The following APLF variants were observed in gnomAD, a reference collection of about 807,000 sequenced individuals.
APLF encodes the protein aprataxin and PNKP like factor.
A neutral mutation model predicts 55.6 loss-of-function variants in APLF; 61 were observed. That is an observed-to-expected ratio of 1.10 (90% CI 0.89 to 1.36). APLF has a LOEUF of 1.36. Among genes scored for constraint, APLF ranks in the 40% most tolerant of loss-of-function variants. The pLI is 0.00. For missense variants in APLF, 611 were observed against 602.5 expected (o/e 1.01, Z -0.15); for synonymous variants, 207 against 214.8 (o/e 0.96, Z 0.32).
chr2:68,544,002 G>A (rs993004681), intron 7 of APLF, among the ~76,000 whole-genome samples: 9 of 132,102 alleles, frequency 6.8e-5, no homozygotes, highest in African/African-American at 2.6e-4. Flanking sequence ...TTTTTTTTGA[G>A]ATGGAGTCTT....
intron 1 of APLF, among the ~76,000 whole-genome samples, chr2:68,488,265 G>A (rs1463938236): frequency 6.6e-6 from 1 of 151,214 alleles, no homozygotes; most frequent in African/African-American, 2.4e-5. Flanking sequence ...CGCATTTTTT[G>A]AAATTACTTT....
chr2:68,542,047 GA>G (rs1670567855), intron 7 of APLF, among the ~76,000 whole-genome samples: 1 of 152,290 alleles, frequency 6.6e-6, no homozygotes, highest in East Asian at 1.9e-4. Flanking sequence ...GGAAAGGACA[GA>G]TTTTTTTCAA....
intron 5 of APLF, among the ~76,000 whole-genome samples, chr2:68,525,635 C>G: frequency 6.6e-6 from 1 of 151,740 alleles, no homozygotes; most frequent in South Asian, 2.1e-4. Flanking sequence ...GGCCATTTTG[C>G]TGCTTAATGC....
chr2:68,484,719 A>G (rs1292743678), intron 1 of APLF, among the ~76,000 whole-genome samples: 2 of 150,656 alleles, frequency 1.3e-5, no homozygotes, highest in Non-Finnish European at 3.0e-5. Flanking sequence ...GTTTAAGGCC[A>G]GGCACAGTGA....
chr2:68,559,582 G>A (rs1671111566), intron 8 of APLF, among the ~76,000 whole-genome samples: 1 of 152,048 alleles, frequency 6.6e-6, no homozygotes, highest in African/African-American at 2.4e-5. Flanking sequence ...TCACCAAGAA[G>A]CACCTTTGAC....
intron 5 of APLF, among the ~76,000 whole-genome samples, chr2:68,522,188 TG>T (rs1472225593): frequency 6.6e-6 from 1 of 151,904 alleles, no homozygotes; most frequent in African/African-American, 2.4e-5. Context: ...ATTTTAAGGT[TG>T]ATATTAGATT....
chr2:68,516,409 T>TTTA (rs139238516), intron 5 of APLF, among the ~76,000 whole-genome samples: 3 of 151,240 alleles, frequency 2.0e-5, no homozygotes, highest in South Asian at 2.1e-4. Flanking sequence ...GCCAATACAG[T>TTTA]TTATTATTAT....
At chr2:68,501,773 T>C (rs892508724) in intron 2 of APLF, among the ~76,000 whole-genome samples, 4 of 152,186 alleles carry the variant, frequency 2.6e-5, no homozygotes, top group African/African-American at 9.7e-5. Flanking sequence ...AGACAATTCC[T>C]CTTTCAGGAG....
chr2:68,563,066 T>G, intron 8 of APLF: 1 of 985,206 alleles, frequency 1.0e-6, no homozygotes, highest in Non-Finnish European at 1.2e-6. Flanking sequence ...GCTGGCAAAG[T>G]TTTATCGATA....
intron 7 of APLF, among the ~76,000 whole-genome samples, chr2:68,539,653 A>T (rs886813879): frequency 1.3e-5 from 2 of 152,220 alleles, no homozygotes; most frequent in African/African-American, 4.8e-5. Flanking sequence ...GAGAAAATTC[A>T]TAATGGTCAT....
At chr2:68,572,838 CAACAA>C (rs67354090) in intron 9 of APLF, among the ~76,000 whole-genome samples, 15,705 of 151,916 alleles carry the variant, frequency 0.1, 1,008 homozygotes, top group African/African-American at 0.18. Flanking sequence ...CACTCTGTCT[CAACAA>C]AACAAAACAA....
chr2:68,470,656 T>A (rs1448387439), intron 1 of APLF, among the ~76,000 whole-genome samples: 1 of 152,218 alleles, frequency 6.6e-6, no homozygotes, highest in African/African-American at 2.4e-5. Context: ...ATCTACTATT[T>A]CTGATTTCAG....
chr2:68,469,490 C>T (rs775381430), intron 1 of APLF, among the ~76,000 whole-genome samples: 71 of 152,270 alleles, frequency 4.7e-4, no homozygotes, highest in Non-Finnish European at 8.8e-4. Flanking sequence ...GAAAGCTGGG[C>T]AATTACCTGG....
Position 68,502,916 on chromosome 2 carries a change from T to G in APLF, c.341+13T>G. ...AATGTACCTTAAGGTAAGTGCCTGATGAAATGAGAGTAAGAATGTTATTTT... is the reference window on the plus strand; with the variant it reads ...AATGTACCTTAAGGTAAGTGCCTGAGGAAATGAGAGTAAGAATGTTATTTT... On this transcript the variant is annotated intron_variant, in intron 3 of 9. Coordinates refer to ENST00000303795, the MANE Select transcript of APLF (RefSeq NM_173545.3). The G allele has an allele frequency of 1.9e-6, 3 of 1,590,526 alleles. No homozygotes were observed. The highest frequency in any genetic ancestry group is 2.6e-6 in the Non-Finnish European group (3 of 1,171,494).
At chr2:68,492,427 G>A (rs992248543) in intron 2 of APLF, among the ~76,000 whole-genome samples, 2 of 152,122 alleles carry the variant, frequency 1.3e-5, no homozygotes, top group Non-Finnish European at 2.9e-5. Context: ...GCAGTGAGCC[G>A]AGATTGTGCC....
At chr2:68,479,454 T>C (rs1443228736) in intron 1 of APLF, among the ~76,000 whole-genome samples, 1 of 152,140 alleles carries the variant, frequency 6.6e-6, no homozygotes, top group African/African-American at 2.4e-5. Flanking sequence ...GGTATAGATA[T>C]TGGAGAAATT....
chr2:68,505,537 T>G, intron 3 of APLF, among the ~76,000 whole-genome samples: 1 of 152,054 alleles, frequency 6.6e-6, no homozygotes, highest in East Asian at 1.9e-4. Flanking sequence ...CACTGTACTT[T>G]TCTCAGGCTA....
At chr2:68,503,683 A>C (rs1371299051) in intron 3 of APLF, among the ~76,000 whole-genome samples, 1 of 152,136 alleles carries the variant, frequency 6.6e-6, no homozygotes, top group Non-Finnish European at 1.5e-5. Context: ...AAACAGCATA[A>C]AAATTTGTGA....
At chr2:68,541,775 T>G (rs867596306) in intron 7 of APLF, among the ~76,000 whole-genome samples, 9 of 151,876 alleles carry the variant, frequency 5.9e-5, no homozygotes, top group East Asian at 1.9e-4. Context: ...ATCCTAATGG[T>G]TTTTTTTGGC....
Sources: gnomAD v4.1 joint callset for allele counts (sites outside exome capture counted in the v4.1 genomes callset) on GRCh38, gnomAD v4.1.1 for gene constraint, MANE v1.5 for transcripts, NCBI Gene and HGNC (gene_info 2026-07-23, HGNC 2026-07-21) for gene names.